Variants in IFT74 observed in about 807,000 individuals in gnomAD.
IFT74 encodes the protein intraflagellar transport protein 74 homolog.
In IFT74, 92 loss-of-function variants were observed where a neutral mutation model predicts 96.7. That is an observed-to-expected ratio of 0.95 (90% CI 0.80 to 1.13). The LOEUF (loss-of-function observed/expected upper bound fraction) is 1.13, where lower values mean the gene tolerates loss of function less well. IFT74 is among the 50% of genes most tolerant of loss of function. The probability of loss-of-function intolerance (pLI) is 0.00; values close to 1 mark genes in which losing one functional copy is unlikely to be tolerated. For missense variants in IFT74, 811 were observed against 698.2 expected (o/e 1.16, Z -1.82); for synonymous variants, 223 against 213.2 (o/e 1.05, Z -0.40).
chr9:27,008,966 T>G (rs1389919557), intron 8 of IFT74, 54 bp from the exon 9 acceptor site: 11 of 1,374,460 alleles, frequency 8.0e-6, no homozygotes, highest in Non-Finnish European at 1.1e-5. Flanking sequence ...ATAAAATAAT[T>G]GGATATTTTT....
At chr9:26,974,426 C>A (rs1206183808) in intron 2 of IFT74, among the ~76,000 whole-genome samples, 2 of 152,170 alleles carry the variant, frequency 1.3e-5, no homozygotes, top group Non-Finnish European at 2.9e-5. Context: ...CATACTGTTT[C>A]ATTTGCTCCT....
intron 8 of IFT74, chr9:26,998,014 A>C (rs771683893): frequency 6.2e-7 from 1 of 1,613,924 alleles, no homozygotes; most frequent in Non-Finnish European, 8.5e-7. Flanking sequence ...TTCTACAGAT[A>C]TTTAAAATTT....
chr9:27,044,674 A>G (rs1819617917), intron 13 of IFT74, 68 bp from the exon 14 acceptor site: 1 of 863,686 alleles, frequency 1.2e-6, no homozygotes, highest in African/African-American at 1.7e-5. Flanking sequence ...AACCAAAGAG[A>G]GATTTTTAAT....
At chr9:26,998,214 T>C in intron 8 of IFT74, 4 of 1,496,672 alleles carry the variant, frequency 2.7e-6, no homozygotes, top group South Asian at 1.3e-5. Context: ...AAGGTATAAT[T>C]TTTTTCAGTA....
At chr9:27,036,510 T>C in intron 13 of IFT74, 1 of 1,613,556 alleles carries the variant, frequency 6.2e-7, no homozygotes, top group Non-Finnish European at 8.5e-7. Flanking sequence ...AAAAAGCAAG[T>C]TTGAACCTGC....
At chr9:26,984,603 T>A in intron 6 of IFT74, 44 bp downstream of exon 6, 1 of 1,431,174 alleles carries the variant, frequency 7.0e-7, no homozygotes, top group Middle Eastern at 1.8e-4. Flanking sequence ...ATATTTTCAT[T>A]AGTTTTTACT....
At chr9:27,061,677 G>GTATATATATATATATATATATATA in intron 19 of IFT74, among the ~76,000 whole-genome samples, 1 of 143,098 alleles carries the variant, frequency 7.0e-6, no homozygotes, top group South Asian at 2.2e-4. Flanking sequence ...ATATCCACAA[G>GTATATATATATATATATATATATA]TATATATATA....
At chr9:27,044,491 T>TG (rs1489949471) in intron 13 of IFT74, among the ~76,000 whole-genome samples, 1 of 152,214 alleles carries the variant, frequency 6.6e-6, no homozygotes, top group Non-Finnish European at 1.5e-5. Context: ...ATGTATAGGT[T>TG]GAATAGCCCC....
At chr9:27,030,745 C>A (rs1830082558) in intron 13 of IFT74, among the ~76,000 whole-genome samples, 2 of 152,060 alleles carry the variant, frequency 1.3e-5, no homozygotes, top group African/African-American at 4.8e-5. Flanking sequence ...AGCCTGAACC[C>A]ATCCTGATTT....
At chr9:26,975,160 CA>C (rs1171007458) in intron 2 of IFT74, among the ~76,000 whole-genome samples, 12 of 152,148 alleles carry the variant, frequency 7.9e-5, no homozygotes, top group African/African-American at 2.6e-4. Context: ...GGGGGAGGGT[CA>C]GGGGCACTGA....
At chr9:26,979,932 C>G (rs996464423) in intron 3 of IFT74, among the ~76,000 whole-genome samples, 1 of 151,970 alleles carries the variant, frequency 6.6e-6, no homozygotes, top group Non-Finnish European at 1.5e-5. Context: ...CCAGGCTGGT[C>G]TTGAACTTCT....
chr9:26,999,767 ATTCT>A, intron 8 of IFT74: 7 of 457,766 alleles, frequency 1.5e-5, no homozygotes, highest in Admixed American at 4.8e-5. Flanking sequence ...GAATCTGTTT[ATTCT>A]TTTTTTTTTT....
chr9:26,996,333 C>G (rs747640085), intron 8 of IFT74: 1 of 1,594,594 alleles, frequency 6.3e-7, no homozygotes, highest in Admixed American at 1.7e-5. Context: ...TTAAGTTGTT[C>G]GAAGAGCTAT....
chr9:26,977,237 C>T (rs868061877), intron 2 of IFT74, among the ~76,000 whole-genome samples: 4 of 152,056 alleles, frequency 2.6e-5, no homozygotes, highest in African/African-American at 9.7e-5. Flanking sequence ...TCTCAGACTG[C>T]CAAGTAGCTG....
chr9:26,966,506 C>A (rs978635876), intron 2 of IFT74, among the ~76,000 whole-genome samples: 1 of 151,722 alleles, frequency 6.6e-6, no homozygotes, highest in Non-Finnish European at 1.5e-5. Flanking sequence ...ACCTTTTGCC[C>A]GTTTTTTATT....
chr9:27,013,253 C>CT (rs1282817917), intron 10 of IFT74, among the ~76,000 whole-genome samples: 2 of 152,118 alleles, frequency 1.3e-5, no homozygotes, highest in African/African-American at 4.8e-5. Flanking sequence ...TCTACAGTGT[C>CT]TATTTATATC....
At chr9:26,995,253 C>T (rs1408969883) in intron 8 of IFT74, 1 of 238,888 alleles carries the variant, frequency 4.2e-6, no homozygotes, top group Non-Finnish European at 8.1e-6. Flanking sequence ...GACCTTTTTA[C>T]TAGTTCGTAT....
rs1827215042 is a variant in IFT74, at chr9:26,978,282, G to T, written c.256+19G>T. 3 of 1,610,628 alleles carry T rather than the reference G, an allele frequency of 1.9e-6. No homozygotes were observed. The East Asian group carries it at 6.7e-5, about 36-fold the overall frequency. ...ACGAAAGGTACCTATTTTAAGATAA[G>T]TATGACACTTGGGCCTGTGTTTTGT... On this transcript the variant is annotated intron_variant, in intron 3 of 19. Transcript: ENST00000380062.
chr9:27,011,504 C>G (rs1250407754), intron 9 of IFT74, among the ~76,000 whole-genome samples: 1 of 151,940 alleles, frequency 6.6e-6, no homozygotes, highest in Non-Finnish European at 1.5e-5. Flanking sequence ...GATGTGAAAA[C>G]ACGGTTACAA....
Sources: gnomAD v4.1 joint callset for allele counts (sites outside exome capture counted in the v4.1 genomes callset) on GRCh38, gnomAD v4.1.1 for gene constraint, MANE v1.5 for transcripts, NCBI Gene and HGNC (gene_info 2026-07-23, HGNC 2026-07-21) for gene names.